The following ZNF408 variants were observed in gnomAD, a reference collection of about 807,000 sequenced individuals.
ZNF408 encodes the protein zinc finger protein 408, also known as PR domain zinc finger protein 17.
ZNF408 carries 24 observed loss-of-function variants against 27.6 expected under a neutral mutation model. The ratio of observed to expected loss-of-function variants is 0.87; its 90% confidence interval spans 0.63 to 1.22. ZNF408 has a LOEUF of 1.22. Among genes scored for constraint, ZNF408 ranks in the 50% most tolerant of loss-of-function variants. ZNF408 has a pLI of 0.00. For synonymous variants in ZNF408, 410 were observed against 396.1 expected (o/e 1.04, Z -0.42); for missense variants, 897 against 949.0 (o/e 0.95, Z 0.72).
chr11:46,705,354 T>C lies in ZNF408; in HGVS notation c.1654T>C (p.Leu552=), dbSNP rs2064743984. ...CATCTCACACACCGGGGAGGCCCAC[T>C]TGTGCCCGGTGTGTGGCAAGGCCCT... ...HLISHTGEAH[L]CPVCGKALRD... Residue 552 remains leucine, a synonymous_variant, in exon 5 of 5, where the codon TTG becomes CTG. Coordinates refer to ENST00000311764, the MANE Select transcript of ZNF408 (RefSeq NM_024741.3). This position sits in a 1 kb window ranked among gnomAD's most constrained non-coding sequence, Gnocchi z 6.5. 3 of 1,610,176 alleles carry C rather than the reference T, an allele frequency of 1.9e-6. No individual in the cohort carries two copies. Among genetic ancestry groups the C allele is most frequent in the Non-Finnish European group, 2.5e-6 (3 of 1,179,834 alleles).
chr11:46,705,199 A>G lies in ZNF408; in HGVS notation c.1499A>G (p.His500Arg). The G allele has an allele frequency of 6.2e-7, 1 of 1,611,816 alleles. No homozygotes were observed. ...GGAGAAAAGCCTTTCCTGTGCCCGCACTGTGGCCGGGCGTTTCGTCAGCGG... is the reference window on the plus strand; with the variant it reads ...GGAGAAAAGCCTTTCCTGTGCCCGCGCTGTGGCCGGGCGTTTCGTCAGCGG... ...HTGEKPFLCP[H>R]CGRAFRQRGN... The change falls in exon 5 of 5, where the codon CAC becomes CGC. Residue 500 changes from histidine (H) to arginine (R), a missense_variant. His to Arg is a conservative substitution (Grantham distance 29). Transcript: ENST00000311764. The surrounding 1 kb of genome is among the most constrained non-coding windows in gnomAD (Gnocchi z 6.5).
chr11:46,705,517 C>G lies in ZNF408; in HGVS notation c.1817C>G (p.Pro606Arg), dbSNP rs200749198. Reference protein sequence around the residue: ...RHLKSHLEDKPYRCPTCGMGY... With the variant: ...RHLKSHLEDKRYRCPTCGMGY... Reference sequence around the variant, plus strand: ...CTCAAATCTCACTTGGAGGACAAGCCCTACCGCTGCCCCACCTGTGGCATG... The same window carrying G: ...CTCAAATCTCACTTGGAGGACAAGCGCTACCGCTGCCCCACCTGTGGCATG... The change falls in exon 5 of 5, where the codon CCC becomes CGC. Residue 606 changes from proline to arginine, a missense_variant. Physicochemically the swap from Pro to Arg is moderately radical, Grantham distance 103 (BLOSUM62 -2). Transcript: ENST00000311764. The surrounding 1 kb of genome is among the most constrained non-coding windows in gnomAD (Gnocchi z 6.5). The G allele has an allele frequency of 1.2e-6, 2 of 1,604,780 alleles. No homozygotes were observed. The highest frequency in any genetic ancestry group is 1.7e-6 in the Non-Finnish European group (2 of 1,179,982).
chr11:46,704,787 C>A lies in ZNF408; in HGVS notation c.1087C>A (p.Leu363Ile), dbSNP rs746187942. The change falls in exon 5 of 5, where the codon CTA becomes ATA. Residue 363 changes from leucine to isoleucine, a missense_variant. Transcript: ENST00000311764. ...GTGTGGAGAGTGTGGCAAGGCATTC[C>A]TACAGCTGTGCCACCTAAAGAAGCA... ...YRCGECGKAF[L>I]QLCHLKKHAF... 3 of 1,597,454 alleles carry A rather than the reference C, an allele frequency of 1.9e-6. No homozygotes were observed. Among genetic ancestry groups the A allele is most frequent in the Non-Finnish European group, 2.6e-6 (3 of 1,171,590 alleles).
Position 46,704,883 on chromosome 11 carries a change from A to G in ZNF408, c.1183A>G (p.Ser395Gly). The stretch of plus-strand genomic sequence containing the variant: ...TGGCAAGAGCTATAGCTCAGAGGAG[A>G]GCTTCAAAGCCCATATGCTGGGCCA... ...ECGKSYSSEE[S>G]FKAHMLGHRG... Residue 395 changes from serine (S) to glycine (G), a missense_variant, in exon 5 of 5, where the codon AGC becomes GGC. Transcript: ENST00000311764. 6.2e-7 allele frequency: 1 copy of G among 1,609,210 alleles called. No homozygotes were observed. Among genetic ancestry groups the G allele is most frequent in the Non-Finnish European group, 8.5e-7 (1 of 1,177,578 alleles).
At chr11:46,703,685 G>T (rs1179189344) in intron 4 of ZNF408, among the ~76,000 whole-genome samples, 5 of 151,988 alleles carry the variant, frequency 3.3e-5, no homozygotes, top group African/African-American at 7.2e-5. Flanking sequence ...CTGGCGTGGG[G>T]GTTCTTTTAT....
rs147850078 is a variant in ZNF408, at chr11:46,704,389, A to G, written c.689A>G (p.Glu230Gly). The G allele has an allele frequency of 5.7e-4, 918 of 1,607,940 alleles. 4 individuals carry two copies. Among genetic ancestry groups the G allele is most frequent in the Middle Eastern group, 2.7e-3 (16 of 6,018 alleles). Residue 230 changes from glutamate to glycine, a missense_variant, in exon 5 of 5, where the codon GAG (glutamate) becomes GGG (glycine). Coordinates refer to ENST00000311764, the MANE Select transcript of ZNF408 (RefSeq NM_024741.3). ...GSQSPSGIQA[E>G]NMVSPGLKFP... Reference sequence around the variant, plus strand: ...CAGTCACCCTCTGGCATCCAGGCAGAGAATATGGTGAGCCCTGGACTTAAG... The same window carrying G: ...CAGTCACCCTCTGGCATCCAGGCAGGGAATATGGTGAGCCCTGGACTTAAG...
At chr11:46,704,168 G>T (rs2064732609) in intron 4 of ZNF408, among the ~76,000 whole-genome samples, 185 bp from the exon 5 acceptor site, 1 of 152,066 alleles carries the variant, frequency 6.6e-6, no homozygotes, top group Non-Finnish European at 1.5e-5. Context: ...TTCTCCAAAA[G>T]GCGCTTAAGG....
chr11:46,701,552 A>C lies in ZNF408; in HGVS notation c.206A>C (p.Lys69Thr). 1 of 1,613,588 alleles carries C rather than the reference A, an allele frequency of 6.2e-7. No individual in the cohort carries two copies. Among genetic ancestry groups the C allele is most frequent in the Non-Finnish European group, 8.5e-7 (1 of 1,179,966 alleles). The change falls in exon 2 of 5, where the codon AAG becomes ACG. Residue 69 changes from lysine (K) to threonine (T), a missense_variant. Coordinates refer to ENST00000311764, the MANE Select transcript of ZNF408 (RefSeq NM_024741.3). Reference sequence around the variant, plus strand: ...TTGGCCCTTGGCCCCTCACTCGCCAAGGAACAGCGCTTGGGGGTCTGGTGT... The same window carrying C: ...TTGGCCCTTGGCCCCTCACTCGCCACGGAACAGCGCTTGGGGGTCTGGTGT... Reference protein sequence around the residue: ...RGLALGPSLAKEQRLGVWCVG... With the variant: ...RGLALGPSLATEQRLGVWCVG...
chr11:46,705,847 TG>T lies in ZNF408; in HGVS notation c.2149del (p.Glu717ArgfsTer11), dbSNP rs1051225496. 1 of 1,611,338 alleles carries T rather than the reference TG, an allele frequency of 6.2e-7. No homozygotes were observed. Among genetic ancestry groups the T allele is most frequent in the Non-Finnish European group, 8.5e-7 (1 of 1,178,974 alleles). ...GGCGCCTGGGCAGAGGTGGTGGAGG[TG>T]GAGATGGGCACCTGACAGCTTTGCC... ...GLGAWAEVVEVEMGT is the reference protein window; with the variant it reads ...GLGAWAEVVEXEMGT On this transcript the variant is annotated frameshift_variant, in exon 5 of 5. Transcript: ENST00000311764. LOFTEE classifies it high-confidence loss of function. This position sits in a 1 kb window ranked among gnomAD's most constrained non-coding sequence, Gnocchi z 6.5.
intron 3 of ZNF408, 85 bp from the exon 4 acceptor site, chr11:46,702,899 C>G: frequency 1.9e-6 from 3 of 1,598,202 alleles, no homozygotes. Flanking sequence ...TCCTTTAGGA[C>G]CCAGACTGCT....
Position 46,701,657 on chromosome 11 carries a change from T to G in ZNF408, c.311T>G (p.Val104Gly), listed in dbSNP as rs765015396. Residue 104 changes from valine (V) to glycine (G), a missense_variant, in exon 2 of 5, where the codon GTA becomes GGA. Coordinates refer to ENST00000311764, the MANE Select transcript of ZNF408 (RefSeq NM_024741.3). The part of the protein sequence containing the change: ...ESASKEKGEG[V>G]KPRQEENLSL... ...GCCTCCAAGGAGAAGGGCGAGGGAG[T>G]AAAGCCACGGCAGGAGGAGGTATTG... The G allele has an allele frequency of 6.3e-7, 1 of 1,589,266 alleles. No individual in the cohort carries two copies. Among genetic ancestry groups the G allele is most frequent in the East Asian group, 2.3e-5 (1 of 43,992 alleles).
Position 46,705,284 on chromosome 11 carries a change from C to T in ZNF408, c.1584C>T (p.His528=). 6.2e-7 allele frequency: 1 copy of T among 1,612,266 alleles called. No homozygotes were observed. The highest frequency in any genetic ancestry group is 8.5e-7 in the Non-Finnish European group (1 of 1,179,952). The change falls in exon 5 of 5, where the codon CAC becomes CAT. Residue 528 remains histidine (H), a synonymous_variant. Transcript: ENST00000311764. The surrounding 1 kb of genome is among the most constrained non-coding windows in gnomAD (Gnocchi z 6.5). ...GGGAGCGTCCTTACCGCTGCCCACA[C>T]TGTGCCGATGCCTTCCCCCAGCTGC... is the stretch of plus-strand genomic sequence containing the variant. ...HTGERPYRCP[H]CADAFPQLPE...
intron 4 of ZNF408, among the ~76,000 whole-genome samples, chr11:46,703,764 G>GT (rs1276758688): frequency 0.11 from 8,074 of 75,340 alleles, 948 homozygotes; most frequent in South Asian, 0.25. Context: ...TGTTGTTGTT[G>GT]TTGTTGTTTT....
At chr11:46,704,022 C>T (rs139562890) in intron 4 of ZNF408, among the ~76,000 whole-genome samples, 96 of 151,954 alleles carry the variant, frequency 6.3e-4, no homozygotes, top group African/African-American at 2.0e-3. Context: ...TGTGAGCCAC[C>T]GTGCCCGGCT....
rs1326983761 is a variant in ZNF408, at chr11:46,704,681, C to T, written c.981C>T (p.Ala327=). 2.7e-5 allele frequency: 43 copies of T among 1,612,886 alleles called. No individual in the cohort carries two copies. Among genetic ancestry groups the T allele is most frequent in the Non-Finnish European group, 3.2e-5 (38 of 1,179,640 alleles). Residue 327 remains alanine, a synonymous_variant, in exon 5 of 5, where the codon GCC becomes GCT. Transcript: ENST00000311764. ...GAGCAAAGACCCCAGAGCCTGGAGC[C>T]CAGCAGTCTGGCTTCCCTACACTCT... ...PPRAKTPEPG[A]QQSGFPTLSR... is the part of the protein sequence containing the mutation.
rs368038451 is a variant in ZNF408, at chr11:46,705,794, G to A, written c.2094G>A (p.Leu698=). Residue 698 remains leucine (L), a synonymous_variant, in exon 5 of 5, where the codon CTG becomes CTA. Transcript: ENST00000311764. This position sits in a 1 kb window ranked among gnomAD's most constrained non-coding sequence, Gnocchi z 6.5. Reference sequence around the variant, plus strand: ...AGGAGCCAGATGCCGCCCCCAGCCTGGTGCTAATCCATAAGGACATGGGCC... The same window carrying A: ...AGGAGCCAGATGCCGCCCCCAGCCTAGTGCTAATCCATAAGGACATGGGCC... ...VPEEPDAAPS[L]VLIHKDMGLG... The A allele has an allele frequency of 1.6e-5, 26 of 1,611,858 alleles. No individual in the cohort carries two copies. Among genetic ancestry groups the A allele is most frequent in the East Asian group, 2.2e-5 (1 of 44,844 alleles).
Position 46,705,060 on chromosome 11 carries a change from C to T in ZNF408, c.1360C>T (p.Leu454=). Residue 454 remains leucine, a synonymous_variant, in exon 5 of 5, where the codon CTG becomes TTG. Coordinates refer to ENST00000311764, the MANE Select transcript of ZNF408 (RefSeq NM_024741.3). This position sits in a 1 kb window ranked among gnomAD's most constrained non-coding sequence, Gnocchi z 6.5. ...CTTTGCCCGCCGGCCCTCCCTGCGG[C>T]TGCATCGCAAGACCCACCAGGTGCC... ...KAFARRPSLR[L]HRKTHQVPAA... is the part of the protein sequence containing the mutation. 1 of 1,612,916 alleles carries T rather than the reference C, an allele frequency of 6.2e-7. No homozygotes were observed.
intron 4 of ZNF408, among the ~76,000 whole-genome samples, chr11:46,704,017 G>T (rs1420368251): frequency 6.6e-6 from 1 of 151,970 alleles, no homozygotes; most frequent in African/African-American, 2.4e-5. Context: ...ACAGGTGTGA[G>T]CCACCGTGCC....
At position 46,705,016 on chromosome 11, in the gene ZNF408, G is replaced by A. The variant is rs759323862; in HGVS notation, c.1316G>A (p.Cys439Tyr). The A allele has an allele frequency of 6.2e-7, 1 of 1,613,274 alleles. No homozygotes were observed. Among genetic ancestry groups the A allele is most frequent in the African/African-American group, 1.3e-5 (1 of 74,936 alleles). The change falls in exon 5 of 5, where the codon TGT becomes TAT. Residue 439 changes from cysteine to tyrosine, a missense_variant. Physicochemically the swap from Cys to Tyr is radical, Grantham distance 194. Coordinates refer to ENST00000311764, the MANE Select transcript of ZNF408 (RefSeq NM_024741.3). The surrounding 1 kb of genome is among the most constrained non-coding windows in gnomAD (Gnocchi z 6.5). Reference sequence around the variant, plus strand: ...CATTCAGGTGCCCGGCCCTTTGCTTGTGACCAGTGTGGCAAGGCCTTTGCC... The same window carrying A: ...CATTCAGGTGCCCGGCCCTTTGCTTATGACCAGTGTGGCAAGGCCTTTGCC... The part of the protein sequence containing the change: ...VVHSGARPFA[C>Y]DQCGKAFARR...
Sources: allele counts gnomAD v4.1 joint callset (sites outside exome capture counted in the v4.1 genomes callset), GRCh38; gene constraint gnomAD v4.1.1; non-coding constraint Gnocchi (gnomAD v3.1); transcripts MANE v1.5; gene names NCBI Gene and HGNC (gene_info 2026-07-23, HGNC 2026-07-21).